SC5D: variants seen among roughly 807,000 people sequenced by gnomAD.
SC5D encodes the protein lathosterol oxidase.
SC5D carries 21 observed loss-of-function variants against 23.9 expected under a neutral mutation model. That is an observed-to-expected ratio of 0.88 (90% CI 0.62 to 1.26). The LOEUF (loss-of-function observed/expected upper bound fraction) is 1.26, where lower values mean the gene tolerates loss of function less well. Ranked by LOEUF, SC5D falls within the 50% of genes most tolerant of loss-of-function variation. The probability of loss-of-function intolerance (pLI) is 0.00; values close to 1 mark genes in which losing one functional copy is unlikely to be tolerated. For synonymous variants in SC5D, 113 were observed against 125.9 expected (o/e 0.90, Z 0.68); for missense variants, 309 against 364.8 (o/e 0.85, Z 1.25).
Position 121,309,536 on chromosome 11 carries a change from C to T in SC5D, c.*2024C>T, listed in dbSNP as rs1947993851. On this transcript the variant is annotated 3_prime_UTR_variant, in exon 5 of 5. Transcript: ENST00000264027. ...CATAAAGTATTTCAGGTTATCCACA[C>T]ACTAATCATCTCAGTGTCTTTAATT... Among the ~76,000 whole-genome samples, 1 of 152,198 alleles carries T rather than the reference C, an allele frequency of 6.6e-6. No homozygotes were observed.
chr11:121,293,724 A>T (rs1947869044), intron 1 of SC5D, among the ~76,000 whole-genome samples: 1 of 152,264 alleles, frequency 6.6e-6, no homozygotes, highest in Admixed American at 6.5e-5. Context: ...CTAATGATTG[A>T]TACCTAGTAA....
At chr11:121,294,534 A>G in intron 1 of SC5D, among the ~76,000 whole-genome samples, 1 of 152,180 alleles carries the variant, frequency 6.6e-6, no homozygotes, top group East Asian at 1.9e-4. Context: ...TAGTTAATAT[A>G]TTTAAAATAT....
intron 3 of SC5D, chr11:121,304,733 A>G (rs1947951653): frequency 2.2e-6 from 1 of 460,354 alleles, no homozygotes; most frequent in Non-Finnish European, 4.0e-6. Flanking sequence ...TGGAGTGATC[A>G]GAGATGGGTC....
At chr11:121,306,615 C>T (rs1947966877) in intron 4 of SC5D, 129 bp downstream of exon 4, 1 of 706,202 alleles carries the variant, frequency 1.4e-6, no homozygotes, top group Non-Finnish European at 2.6e-6. Flanking sequence ...ATAATCATAA[C>T]AGGTACAGGG....
chr11:121,306,759 A>T (rs1447282564), intron 4 of SC5D: 3 of 619,100 alleles, frequency 4.8e-6, no homozygotes, highest in East Asian at 5.6e-5. Context: ...AGGATGGGAG[A>T]GGAGTGAGGG....
intron 1 of SC5D, among the ~76,000 whole-genome samples, chr11:121,299,928 AC>A (rs1947914488): frequency 6.6e-6 from 1 of 151,856 alleles, no homozygotes; most frequent in Admixed American, 6.6e-5. Context: ...AAGAACCAAA[AC>A]CCCCAAATAT....
At position 121,307,359 on chromosome 11, in the gene SC5D, G is replaced by A. The variant is rs1947974508; in HGVS notation, c.747G>A (p.Arg249=). 6.2e-7 allele frequency: 1 copy of A among 1,613,956 alleles called. No individual in the cohort carries two copies. Among genetic ancestry groups the A allele is most frequent in the African/African-American group, 1.3e-5 (1 of 74,900 alleles). The change falls in exon 5 of 5, where the codon AGG becomes AGA. Residue 249 remains arginine, a synonymous_variant. Coordinates refer to ENST00000264027, the MANE Select transcript of SC5D (RefSeq NM_006918.5). ...NYGQYFTLWD[R]IGGSFKNPSS... is the part of the protein sequence containing the mutation. ...GACAATATTTCACTTTGTGGGATAG[G>A]ATTGGCGGCTCATTCAAAAATCCTT...
intron 1 of SC5D, 117 bp downstream of exon 1, chr11:121,292,933 G>C (rs1947861672): frequency 6.6e-6 from 1 of 152,446 alleles, no homozygotes; most frequent in Admixed American, 6.5e-5. Context: ...GGGTGGGCGA[G>C]GCGGAAGGTG....
At chr11:121,295,665 A>T (rs939496727) in intron 1 of SC5D, among the ~76,000 whole-genome samples, 1 of 152,050 alleles carries the variant, frequency 6.6e-6, no homozygotes, top group Non-Finnish European at 1.5e-5. Context: ...TCCCAGCCTG[A>T]CTTTTCTCTT....
rs1226895704 is a variant in SC5D at position 121,311,521 on chromosome 11, G to A, written c.*4009G>A. Among the ~76,000 whole-genome samples the A allele has an allele frequency of 6.6e-6, 1 of 152,206 alleles. No homozygotes were observed. Among genetic ancestry groups the A allele is most frequent in the Non-Finnish European group, 1.5e-5 (1 of 68,034 alleles). ...GAATCAGTACTACAAGGACTGGTTA[G>A]AGGGTTGAATGAATCTGTATACTCA... On this transcript the variant is annotated 3_prime_UTR_variant, in exon 5 of 5. Coordinates refer to ENST00000264027, the MANE Select transcript of SC5D (RefSeq NM_006918.5).
chr11:121,298,292 CA>C (rs1470864888), intron 1 of SC5D, among the ~76,000 whole-genome samples: 2 of 152,180 alleles, frequency 1.3e-5, no homozygotes, highest in East Asian at 3.8e-4. Flanking sequence ...CATGCCTGAC[CA>C]GAATACAATC....
At chr11:121,293,274 G>C (rs768769923) in intron 1 of SC5D, among the ~76,000 whole-genome samples, 1 of 152,196 alleles carries the variant, frequency 6.6e-6, no homozygotes, top group Non-Finnish European at 1.5e-5. Context: ...TTTGATGTTG[G>C]GTGTTGCAGA....
Position 121,308,267 on chromosome 11 carries a change from TAAG to T in SC5D, c.*757_*759del, listed in dbSNP as rs1947982808. On this transcript the variant is annotated 3_prime_UTR_variant, in exon 5 of 5. Coordinates refer to ENST00000264027, the MANE Select transcript of SC5D (RefSeq NM_006918.5). The stretch of plus-strand genomic sequence containing the variant: ...ATTATTATTTAAAACCATTATTTAA[TAAG>T]AGTAAAAATATGTGAATCTGGATAT... 1 of 152,210 alleles carries T rather than the reference TAAG, an allele frequency of 6.6e-6. No individual in the cohort carries two copies. Among genetic ancestry groups the T allele is most frequent in the South Asian group, 2.1e-4 (1 of 4,832 alleles). 9.4% of individuals were successfully genotyped at this position (152,210 alleles called of 1,614,324 possible).
In SC5D at chr11:121,309,659, C is replaced by T. The variant is rs182641004; in HGVS notation, c.*2147C>T. On this transcript the variant is annotated 3_prime_UTR_variant, in exon 5 of 5. Coordinates refer to ENST00000264027, the MANE Select transcript of SC5D (RefSeq NM_006918.5). The stretch of plus-strand genomic sequence containing the variant: ...CAGCTTCCTATGGGGAAGACAGAGG[C>T]TTCCTCATAGATGTTAGGAATAATC... 1.4e-4 allele frequency among the ~76,000 whole-genome samples: 22 copies of T among 152,330 alleles called. No individual in the cohort carries two copies. Among genetic ancestry groups the T allele is most frequent in the African/African-American group, 3.6e-4 (15 of 41,578 alleles).
At position 121,307,980 on chromosome 11, in the gene SC5D, A is replaced by G. The variant is rs1947980652; in HGVS notation, c.*468A>G. 1 of 157,404 alleles carries G rather than the reference A, an allele frequency of 6.4e-6. No individual in the cohort carries two copies. The highest frequency in any genetic ancestry group is 2.4e-5 in the African/African-American group (1 of 41,494). 9.8% of individuals were successfully genotyped at this position (157,404 alleles called of 1,614,324 possible). A position where few individuals can be genotyped will look rare whatever the true frequency, so the allele number is the denominator to read the frequency against. On this transcript the variant is annotated 3_prime_UTR_variant, in exon 5 of 5. Transcript: ENST00000264027. ...GAATGGTTAATTCTTCAACGTTGGT[A>G]TGATAATGATAACTTGTTTTGACTT... is the stretch of plus-strand genomic sequence containing the variant.
rs142031519 is a variant in SC5D, at chr11:121,304,370, C to T, written c.220C>T (p.Arg74Cys). Reference sequence around the variant, plus strand: ...GAAATTTCACTTTCAGAATCAAGTCCGTCGAGAGATTAAGTTTACTGTCCA... The same window carrying T: ...GAAATTTCACTTTCAGAATCAAGTCTGTCGAGAGATTAAGTTTACTGTCCA... Reference protein sequence around the residue: ...KHPQFLKNQVRREIKFTVQAL... With the variant: ...KHPQFLKNQVCREIKFTVQAL... The change falls in exon 3 of 5, where the codon CGT becomes TGT. Residue 74 changes from arginine (R) to cysteine (C), a missense_variant. Transcript: ENST00000264027. The T allele has an allele frequency of 1.9e-5, 31 of 1,613,252 alleles. No individual in the cohort carries two copies. The highest frequency in any genetic ancestry group is 1.7e-4 in the Admixed American group (10 of 59,990).
Position 121,307,417 on chromosome 11 carries a change from G to A in SC5D, c.805G>A (p.Val269Met). The change falls in exon 5 of 5, where the codon GTG (valine) becomes ATG (methionine). Residue 269 changes from valine to methionine, a missense_variant. Transcript: ENST00000264027. ...TGAGGGGAAGGGACCGCTCAGTTAT[G>A]TGAAGGAGATGACAGAGGGAAAGCG... Reference protein sequence around the residue: ...SFEGKGPLSYVKEMTEGKRSS... With the variant: ...SFEGKGPLSYMKEMTEGKRSS... 6.2e-7 allele frequency: 1 copy of A among 1,612,456 alleles called. No individual in the cohort carries two copies. The highest frequency in any genetic ancestry group is 8.5e-7 in the Non-Finnish European group (1 of 1,178,874).
intron 1 of SC5D, among the ~76,000 whole-genome samples, chr11:121,297,032 A>G (rs1220721091): frequency 6.6e-6 from 1 of 152,210 alleles, no homozygotes; most frequent in East Asian, 1.9e-4. Context: ...GGTAAATGCA[A>G]ATTAAGTATA....
intron 1 of SC5D, among the ~76,000 whole-genome samples, chr11:121,295,065 A>G (rs1947879443): frequency 6.6e-6 from 1 of 152,234 alleles, no homozygotes. Context: ...GCTTATATCT[A>G]AGATAGAAGA....
Sources: gnomAD v4.1 joint callset for allele counts (sites outside exome capture counted in the v4.1 genomes callset) on GRCh38, gnomAD v4.1.1 for gene constraint, MANE v1.5 for transcripts, NCBI Gene and HGNC (gene_info 2026-07-23, HGNC 2026-07-21) for gene names.